The following HACD4 variants were observed in gnomAD, a reference collection of about 807,000 sequenced individuals.
HACD4 encodes the protein 3-hydroxyacyl-CoA dehydratase 4.
Under a neutral mutation model 33.3 loss-of-function variants are expected in HACD4, and 35 were observed. The observed-to-expected ratio is 1.05, with a 90% CI of 0.80 to 1.39. The LOEUF (loss-of-function observed/expected upper bound fraction) is 1.39, where lower values mean the gene tolerates loss of function less well. HACD4 is among the 40% of genes most tolerant of loss of function. The probability of loss-of-function intolerance (pLI) is 0.00; values close to 1 mark genes in which losing one functional copy is unlikely to be tolerated. For missense variants in HACD4, 323 were observed against 276.5 expected (o/e 1.17, Z -1.19); for synonymous variants, 118 against 98.0 (o/e 1.20, Z -1.21).
Position 21,001,402 on chromosome 9 carries a change from T to C in HACD4, c.*5635A>G, listed in dbSNP as rs1037598866. On this transcript the variant is annotated 3_prime_UTR_variant, in exon 7 of 7. Coordinates refer to ENST00000495827, the MANE Select transcript of HACD4 (RefSeq NM_001010915.5). The stretch of plus-strand genomic sequence containing the variant: ...TATTAGTCTGAGCAATAGAAAAAAA[T>C]TGGAAAAAAGTGAACAGGGTATAAG... 2.6e-5 allele frequency: 4 copies of C among 151,194 alleles called. No homozygotes were observed. Among genetic ancestry groups the C allele is most frequent in the African/African-American group, 9.7e-5 (4 of 41,126 alleles). The allele number at this position is 151,194 out of a possible 1,614,324, so 9.4% of individuals were successfully genotyped here.
intron 4 of HACD4, 183 bp downstream of exon 4, chr9:21,015,715 C>G: frequency 4.3e-6 from 2 of 467,006 alleles, no homozygotes; most frequent in Non-Finnish European, 7.6e-6. Context: ...GGTAGGTTTT[C>G]ATTATCTTTG....
At chr9:21,025,484 T>C (rs1398753924) in intron 3 of HACD4, among the ~76,000 whole-genome samples, 2 of 152,172 alleles carry the variant, frequency 1.3e-5, no homozygotes, top group Non-Finnish European at 1.5e-5. Context: ...AATGTGAAAT[T>C]GTCAAAATTA....
intron 5 of HACD4, among the ~76,000 whole-genome samples, chr9:21,009,855 T>C (rs985799600): frequency 1.3e-5 from 2 of 152,186 alleles, no homozygotes; most frequent in African/African-American, 2.4e-5. Context: ...GATAATGTAT[T>C]TGATATTTCA....
intron 3 of HACD4, among the ~76,000 whole-genome samples, chr9:21,023,441 C>T (rs1185087963): frequency 6.6e-6 from 1 of 152,150 alleles, no homozygotes; most frequent in Non-Finnish European, 1.5e-5. Flanking sequence ...TGTGGACACA[C>T]CACCACTACT....
At chr9:21,028,838 G>A (rs568877963) in intron 2 of HACD4, among the ~76,000 whole-genome samples, 1 of 152,182 alleles carries the variant, frequency 6.6e-6, no homozygotes, top group South Asian at 2.1e-4. Context: ...CTTCTTAAAG[G>A]GACCAAATAG....
chr9:21,030,740 C>T (rs370755714), intron 1 of HACD4, among the ~76,000 whole-genome samples: 1 of 152,180 alleles, frequency 6.6e-6, no homozygotes, highest in Non-Finnish European at 1.5e-5. Flanking sequence ...AGATACATAT[C>T]GAAAGCAGTT....
At chr9:21,029,511 C>T in intron 1 of HACD4, 113 bp from the exon 2 acceptor site, 1 of 595,448 alleles carries the variant, frequency 1.7e-6, no homozygotes, top group South Asian at 2.7e-5. Flanking sequence ...AAAACTGTTT[C>T]ATATCAGTCT....
At chr9:21,016,204 A>G (rs1378914745) in intron 3 of HACD4, among the ~76,000 whole-genome samples, 194 bp from the exon 4 acceptor site, 1 of 152,212 alleles carries the variant, frequency 6.6e-6, no homozygotes, top group Non-Finnish European at 1.5e-5. Flanking sequence ...TCTATATTTT[A>G]CAAATAATAT....
intron 4 of HACD4, among the ~76,000 whole-genome samples, chr9:21,013,630 C>T (rs1159059680): frequency 6.6e-6 from 1 of 152,180 alleles, no homozygotes; most frequent in Non-Finnish European, 1.5e-5. Flanking sequence ...TCTTCCAAGT[C>T]ATGTGGGATG....
chr9:21,015,634 T>C (rs1418110043), intron 4 of HACD4: 2 of 302,822 alleles, frequency 6.6e-6, no homozygotes, highest in African/African-American at 4.3e-5. Flanking sequence ...AGCTGAGGGT[T>C]ATTCCAAGTT....
intron 3 of HACD4, among the ~76,000 whole-genome samples, chr9:21,025,498 A>T (rs1818039598): frequency 6.6e-6 from 1 of 152,268 alleles, no homozygotes; most frequent in Non-Finnish European, 1.5e-5. Context: ...AAAATTATCA[A>T]TTTTTCAAAT....
In HACD4 at chr9:21,029,305, T is replaced by C. The variant is rs1237382769; in HGVS notation, c.132A>G (p.Ser44=). The stretch of plus-strand genomic sequence containing the variant: ...GTTTCGGAGTTTTACCTTTTCCAAA[T>C]GAAAAGAATCTGACTGTCATATTTG... The part of the protein sequence containing the change: ...IFTNMTVRFF[S]FGKDSMVDTF... Residue 44 remains serine, a synonymous_variant, in exon 2 of 7, where the codon TCA becomes TCG. Transcript: ENST00000495827. 2 of 1,566,506 alleles carry C rather than the reference T, an allele frequency of 1.3e-6. No individual in the cohort carries two copies. The highest frequency in any genetic ancestry group is 3.6e-5 in the Admixed American group (2 of 56,308).
At chr9:21,027,522 T>C (rs1359340016) in intron 2 of HACD4, among the ~76,000 whole-genome samples, 2 of 152,182 alleles carry the variant, frequency 1.3e-5, no homozygotes, top group Non-Finnish European at 2.9e-5. Context: ...TCTCGGCAGC[T>C]CCACAAGATG....
intron 1 of HACD4, 102 bp from the exon 2 acceptor site, chr9:21,029,500 G>T: frequency 1.5e-6 from 1 of 654,260 alleles, no homozygotes; most frequent in Non-Finnish European, 2.6e-6. Flanking sequence ...GAAAGCAAAA[G>T]AAAACTGTTT....
At chr9:21,017,859 A>G (rs533921360) in intron 3 of HACD4, 2 of 152,312 alleles carry the variant, frequency 1.3e-5, no homozygotes, top group African/African-American at 4.8e-5. Context: ...GTTGTAAGCT[A>G]TCCATGATGT....
At chr9:21,014,188 T>G (rs1481243945) in intron 4 of HACD4, among the ~76,000 whole-genome samples, 1 of 152,176 alleles carries the variant, frequency 6.6e-6, no homozygotes, top group African/African-American at 2.4e-5. Flanking sequence ...AAAAAAAGTT[T>G]CTAAAAGTTA....
intron 2 of HACD4, among the ~76,000 whole-genome samples, 154 bp downstream of exon 2, chr9:21,029,141 C>T (rs1037864799): frequency 2.3e-4 from 35 of 152,044 alleles, no homozygotes; most frequent in African/African-American, 8.0e-4. Context: ...TCCCCCTTCC[C>T]CAAGAAGGTT....
intron 4 of HACD4, among the ~76,000 whole-genome samples, chr9:21,012,858 G>C (rs538216133): frequency 2.9e-4 from 44 of 152,208 alleles, no homozygotes; most frequent in Middle Eastern, 3.4e-3. Flanking sequence ...CCTGAGGTCA[G>C]GGGTTCAAGA....
At chr9:21,030,761 T>C (rs1352823520) in intron 1 of HACD4, among the ~76,000 whole-genome samples, 1 of 152,234 alleles carries the variant, frequency 6.6e-6, no homozygotes, top group Non-Finnish European at 1.5e-5. Flanking sequence ...TAGTTGCTCA[T>C]ACCAGAAGAG....
Sources: gnomAD v4.1 joint callset for allele counts (sites outside exome capture counted in the v4.1 genomes callset) on GRCh38, gnomAD v4.1.1 for gene constraint, MANE v1.5 for transcripts, NCBI Gene and HGNC (gene_info 2026-07-23, HGNC 2026-07-21) for gene names.